The following UNC79 variants were observed in gnomAD, a reference collection of about 807,000 sequenced individuals.
UNC79 encodes protein unc-79 homolog.
Under a neutral mutation model 283.1 loss-of-function variants are expected in UNC79, and 37 were observed. The ratio of observed to expected loss-of-function variants is 0.13; its 90% CI spans 0.10 to 0.17. The LOEUF (loss-of-function observed/expected upper bound fraction) is 0.17. Ranked by LOEUF, UNC79 falls within the 10% of genes least tolerant of loss-of-function variation. UNC79 has a pLI of 1.00. For missense variants in UNC79, 2,272 were observed against 3,211.1 expected, an observed-to-expected ratio of 0.71 and a Z score of 7.07; for synonymous variants, 1,107 against 1,200.2, an observed-to-expected ratio of 0.92 and a Z score of 1.61.
chr14:93,695,906 A>AAAAAAAAAAAAAAAAAAAAAAAAAAAAC (rs2075080409), intron 47 of UNC79, among the ~76,000 whole-genome samples: 1 of 149,232 alleles, frequency 6.7e-6, no homozygotes, highest in Non-Finnish European at 1.5e-5. Flanking sequence ...AAAAAAAAAA[A>AAAAAAAAAAAAAAAAAAAAAAAAAAAAC]AAAAGCAAAC....
chr14:93,553,971 A>G (rs1035936280), intron 14 of UNC79, among the ~76,000 whole-genome samples: 4 of 152,218 alleles, frequency 2.6e-5, no homozygotes, highest in African/African-American at 9.6e-5. Flanking sequence ...TTTAACCAAC[A>G]TGATTAACTC....
intron 1 of UNC79, among the ~76,000 whole-genome samples, chr14:93,415,687 A>C (rs570236765): frequency 2.6e-5 from 4 of 151,528 alleles, no homozygotes; most frequent in African/African-American, 9.7e-5. Context: ...GATTATTGCC[A>C]CAATTTCAGA....
At chr14:93,538,596 G>A (rs749107558) in intron 12 of UNC79, among the ~76,000 whole-genome samples, 10 of 152,224 alleles carry the variant, frequency 6.6e-5, no homozygotes, top group African/African-American at 1.2e-4. Flanking sequence ...AGAGTGAAGC[G>A]TGTGAATAGG....
chr14:93,642,675 T>G (rs2069172163), intron 33 of UNC79, among the ~76,000 whole-genome samples: 1 of 152,202 alleles, frequency 6.6e-6, no homozygotes, highest in Non-Finnish European at 1.5e-5. Context: ...TGCCTTTCTG[T>G]GCACTCCATT....
At chr14:93,431,613 G>A (rs2140094274) in intron 1 of UNC79, among the ~76,000 whole-genome samples, 1 of 152,262 alleles carries the variant, frequency 6.6e-6, no homozygotes, top group South Asian at 2.1e-4. Context: ...CAACACCAAT[G>A]TCAAAACCAA....
chr14:93,512,713 T>C (rs1332680258), intron 7 of UNC79, among the ~76,000 whole-genome samples: 1 of 152,190 alleles, frequency 6.6e-6, no homozygotes, highest in Admixed American at 6.5e-5. Context: ...TGTTTTTAGG[T>C]CTAGAATTTT....
intron 2 of UNC79, among the ~76,000 whole-genome samples, chr14:93,473,064 G>T (rs1311644196): frequency 6.6e-6 from 1 of 151,830 alleles, no homozygotes; most frequent in Non-Finnish European, 1.5e-5. Context: ...TAAAATTAAG[G>T]CTAAAAGAAA....
chr14:93,566,801 TA>T (rs2062918371), intron 14 of UNC79, among the ~76,000 whole-genome samples: 1 of 151,772 alleles, frequency 6.6e-6, no homozygotes, highest in African/African-American at 2.4e-5. Flanking sequence ...CCATGTCCAG[TA>T]GAGATGGTAT....
intron 1 of UNC79, among the ~76,000 whole-genome samples, chr14:93,371,568 A>G (rs968424252): frequency 3.3e-5 from 5 of 151,906 alleles, no homozygotes; most frequent in Admixed American, 6.6e-5. Context: ...CAGCCGGGCT[A>G]GGTGGCTCAC....
rs115500482 is a variant in UNC79 at position 93,550,110 on chromosome 14, G to A, written c.1755+7414G>A. ...AAAAGTGAAGGCCTTGCTTATATAG[G>A]CAGAAAACAAAGAAATTTAGCAGGA... On this transcript the variant is annotated intron_variant, in intron 14 of 48. Transcript: ENST00000555664. Among the ~76,000 whole-genome samples, 1,263 of 152,276 alleles carry A rather than the reference G, an allele frequency of 8.3e-3. 16 individuals carry two copies. The highest frequency in any genetic ancestry group is 0.029 in the African/African-American group (1,207 of 41,546).
At chr14:93,663,936 G>T (rs2071877654) in intron 40 of UNC79, among the ~76,000 whole-genome samples, 1 of 152,082 alleles carries the variant, frequency 6.6e-6, no homozygotes, top group Non-Finnish European at 1.5e-5. Flanking sequence ...TGTAGATATT[G>T]ATTACAGGGG....
chr14:93,637,673 G>A (rs986785562), intron 32 of UNC79, among the ~76,000 whole-genome samples: 4 of 152,192 alleles, frequency 2.6e-5, no homozygotes, highest in South Asian at 4.1e-4. Context: ...GGCCAGGCTA[G>A]TCACAAACTC....
At chr14:93,389,328 A>T (rs542851629) in intron 1 of UNC79, among the ~76,000 whole-genome samples, 1 of 152,284 alleles carries the variant, frequency 6.6e-6, no homozygotes, top group Non-Finnish European at 1.5e-5. Context: ...TCATCTCATG[A>T]TTAAAAAACT....
intron 1 of UNC79, among the ~76,000 whole-genome samples, chr14:93,411,512 C>T (rs566868947): frequency 6.6e-6 from 1 of 152,228 alleles, no homozygotes; most frequent in Non-Finnish European, 1.5e-5. Flanking sequence ...GCTGTGCTGA[C>T]CCAGTGCAGT....
At chr14:93,536,894 T>G (rs1740760269) in intron 11 of UNC79, among the ~76,000 whole-genome samples, 1 of 150,950 alleles carries the variant, frequency 6.6e-6, no homozygotes, top group Non-Finnish European at 1.5e-5. Context: ...ATTTTTTTCC[T>G]ACTGAGACCA....
At chr14:93,476,057 G>GT (rs1327617849) in intron 3 of UNC79, among the ~76,000 whole-genome samples, 2 of 152,190 alleles carry the variant, frequency 1.3e-5, no homozygotes, top group Non-Finnish European at 2.9e-5. Context: ...GAGGGAGTTT[G>GT]TAACATGGAA....
intron 30 of UNC79, among the ~76,000 whole-genome samples, chr14:93,624,718 C>T (rs1485615743): frequency 6.6e-6 from 1 of 152,184 alleles, no homozygotes; most frequent in African/African-American, 2.4e-5. Flanking sequence ...CTCCATAAGG[C>T]TTTGCCTCCC....
At chr14:93,694,382 G>T (rs1268937325) in exon 47 of UNC79, 1 of 1,610,976 alleles carries the variant, frequency 6.2e-7, no homozygotes, top group African/African-American at 1.3e-5. Flanking sequence ...TGGAGGCATT[G>T]CAGGAATGCA....
At chr14:93,674,728 CA>C (rs1028487269) in intron 41 of UNC79, among the ~76,000 whole-genome samples, 3 of 152,326 alleles carry the variant, frequency 2.0e-5, no homozygotes, top group Admixed American at 2.0e-4. Context: ...GAGAAGGGAA[CA>C]CTAATGGAGG....
Sources: allele counts gnomAD v4.1 joint callset (sites outside exome capture counted in the v4.1 genomes callset), GRCh38; gene constraint gnomAD v4.1.1; transcripts MANE v1.5; gene names NCBI Gene and HGNC (gene_info 2026-07-23, HGNC 2026-07-21).